The following CTTN variants were observed in gnomAD, a reference collection of about 807,000 sequenced individuals.
CTTN encodes src substrate cortactin.
In CTTN, 28 loss-of-function variants were observed where a neutral mutation model predicts 84.0. That is an observed-to-expected ratio of 0.33 (90% CI 0.25 to 0.46). The LOEUF is 0.46. CTTN is among the 20% of genes least tolerant of loss of function. The pLI is 1.00. For missense variants in CTTN, 641 were observed against 723.8 expected (o/e 0.89, Z 1.31); for synonymous variants, 301 against 288.8 (o/e 1.04, Z -0.43).
chr11:70,436,356 T>C lies in CTTN; in HGVS notation c.*1194T>C. ...TGCAGTCAGGTGGGCGGTGTGTCTT[T>C]CCAGAAGGTCACGTGGAAATGTCTC... On this transcript the variant is annotated 3_prime_UTR_variant, in exon 18 of 18. Transcript: ENST00000301843. 6.3e-7 allele frequency: 1 copy of C among 1,598,272 alleles called. No individual in the cohort carries two copies. Among genetic ancestry groups the C allele is most frequent in the South Asian group, 1.1e-5 (1 of 91,066 alleles).
chr11:70,421,679 C>G, intron 11 of CTTN, 99 bp downstream of exon 11: 1 of 788,522 alleles, frequency 1.3e-6, no homozygotes, highest in Non-Finnish European at 2.2e-6. Flanking sequence ...GCAACACAGT[C>G]CTCCTGTGTC....
intron 11 of CTTN, chr11:70,422,391 G>C (rs748756745): frequency 8.2e-6 from 6 of 735,486 alleles, no homozygotes; most frequent in Non-Finnish European, 8.2e-6. Flanking sequence ...AGATGGCAGT[G>C]GCTCTCCGTG....
At chr11:70,417,842 A>G (rs367816258) in intron 8 of CTTN, among the ~76,000 whole-genome samples, 2 of 152,278 alleles carry the variant, frequency 1.3e-5, no homozygotes, top group East Asian at 1.9e-4. Flanking sequence ...TTTGTTCACA[A>G]GTGATTATTC....
intron 7 of CTTN, chr11:70,415,923 T>G: frequency 1.7e-6 from 1 of 583,844 alleles, no homozygotes; most frequent in Non-Finnish European, 3.1e-6. Flanking sequence ...TACCACATGA[T>G]GGATGTATTC....
intron 6 of CTTN, among the ~76,000 whole-genome samples, chr11:70,415,408 C>T (rs1046241115): frequency 1.3e-5 from 2 of 152,270 alleles, no homozygotes; most frequent in Admixed American, 6.5e-5. Context: ...TCCCTGCTGC[C>T]GCATGCTGGG....
intron 14 of CTTN, among the ~76,000 whole-genome samples, chr11:70,430,219 T>G (rs950716186): frequency 8.5e-5 from 13 of 152,080 alleles, no homozygotes; most frequent in Non-Finnish European, 1.6e-4. Context: ...ACACCTGGGG[T>G]TCAGATCCTG....
intron 1 of CTTN, among the ~76,000 whole-genome samples, chr11:70,402,646 G>A (rs1304299857): frequency 1.3e-5 from 2 of 152,228 alleles, no homozygotes; most frequent in African/African-American, 4.8e-5. Context: ...CCTCCACGCT[G>A]TAGCAGGTGT....
At chr11:70,434,670 G>A (rs1463583674) in intron 17 of CTTN, among the ~76,000 whole-genome samples, 3 of 152,220 alleles carry the variant, frequency 2.0e-5, no homozygotes, top group South Asian at 2.1e-4. Flanking sequence ...CTTCCACTGC[G>A]GCCTCCGCAG....
intron 11 of CTTN, 151 bp from the exon 12 acceptor site, chr11:70,422,789 C>A: frequency 6.7e-7 from 1 of 1,488,052 alleles, no homozygotes; most frequent in Non-Finnish European, 9.0e-7. Context: ...GCAAAACTTG[C>A]CTTGCAAGTG....
rs186054868 is a variant in CTTN, at chr11:70,428,468, T to C, written c.1028-583T>C. Among the ~76,000 whole-genome samples, 613 of 152,170 alleles carry C rather than the reference T, an allele frequency of 4.0e-3. 5 individuals carry two copies. The highest frequency in any genetic ancestry group is 0.014 in the African/African-American group (586 of 41,518). ...TGTGAGCCACCATGCCCGGCCATAT[T>C]CCCCACTTTTGACTTAAATTTTTAT... On this transcript the variant is annotated intron_variant, in intron 13 of 17. Transcript: ENST00000301843.
chr11:70,401,750 C>A (rs903224831), intron 1 of CTTN, among the ~76,000 whole-genome samples: 1 of 152,040 alleles, frequency 6.6e-6, no homozygotes, highest in African/African-American at 2.4e-5. Context: ...GGGAGGATCA[C>A]CTGAACCTGG....
intron 5 of CTTN, chr11:70,410,337 C>G (rs748747660): frequency 3.0e-5 from 6 of 201,594 alleles, no homozygotes; most frequent in African/African-American, 4.5e-5. Flanking sequence ...AGACCAAAGT[C>G]AAATCTGTAG....
In CTTN at chr11:70,417,059, A is replaced by G; in HGVS notation, c.504A>G (p.Arg168=). 6.2e-7 allele frequency: 1 copy of G among 1,614,224 alleles called. No homozygotes were observed. The stretch of plus-strand genomic sequence containing the variant: ...GCAAGTATGGCGTGCAGGCCGACCG[A>G]GTAGACAAGAGCGCGGTGGGCTTCG... ...FGGKYGVQAD[R]VDKSAVGFDY... The change falls in exon 8 of 18, where the codon CGA becomes CGG. Residue 168 remains arginine, a synonymous_variant. Transcript: ENST00000301843.
At chr11:70,400,942 G>A (rs2057971486) in intron 1 of CTTN, among the ~76,000 whole-genome samples, 1 of 152,176 alleles carries the variant, frequency 6.6e-6, no homozygotes, top group Admixed American at 6.5e-5. Context: ...GGTGATTTTG[G>A]CTACGCAAGT....
intron 13 of CTTN, among the ~76,000 whole-genome samples, chr11:70,428,656 C>T (rs538105883): frequency 6.6e-6 from 1 of 152,316 alleles, no homozygotes; most frequent in East Asian, 1.9e-4. Context: ...AAAATGTATA[C>T]TCTGGTTGAG....
chr11:70,420,455 A>G lies in CTTN; in HGVS notation c.735A>G (p.Lys245=). ...GTGTGCAGACAGACAGACAAGACAA[A>G]TGTGCCCTTGGCTGGGATCACCAGG... is the stretch of plus-strand genomic sequence containing the variant. ...KFGVQTDRQD[K]CALGWDHQEK... The change falls in exon 10 of 18, where the codon AAA becomes AAG. Residue 245 remains lysine (K), a synonymous_variant. Coordinates refer to ENST00000301843, the MANE Select transcript of CTTN (RefSeq NM_005231.4). 6.2e-7 allele frequency: 1 copy of G among 1,614,214 alleles called. No homozygotes were observed. Among genetic ancestry groups the G allele is most frequent in the Non-Finnish European group, 8.5e-7 (1 of 1,180,036 alleles).
At chr11:70,408,085 A>G (rs928827737) in intron 4 of CTTN, 4 of 152,322 alleles carry the variant, frequency 2.6e-5, no homozygotes, top group African/African-American at 9.7e-5. Context: ...GAACCCTGTC[A>G]TTGTTTCTCA....
At chr11:70,421,652 G>A in intron 11 of CTTN, 72 bp downstream of exon 11, 1 of 1,058,398 alleles carries the variant, frequency 9.4e-7, no homozygotes. Flanking sequence ...AGACTTCAGG[G>A]CTCACCGTCA....
intron 11 of CTTN, chr11:70,422,548 A>G: frequency 7.7e-7 from 1 of 1,297,188 alleles, no homozygotes. Flanking sequence ...TTTAGCGCTC[A>G]GTAGAGCAGG....
Sources: allele counts gnomAD v4.1 joint callset (sites outside exome capture counted in the v4.1 genomes callset), GRCh38; gene constraint gnomAD v4.1.1; transcripts MANE v1.5; gene names NCBI Gene and HGNC (gene_info 2026-07-23, HGNC 2026-07-21).